The following RNGTT variants were observed in gnomAD, a reference collection of about 807,000 sequenced individuals.
The protein encoded by RNGTT is RNA guanylyltransferase and 5'-phosphatase, also known as mRNA-capping enzyme.
Under a neutral mutation model 79.3 loss-of-function variants are expected in RNGTT, and 33 were observed. That is an observed-to-expected ratio of 0.42 (90% CI 0.32 to 0.56). RNGTT has a LOEUF of 0.56. Ranked by LOEUF, RNGTT falls within the 20% of genes least tolerant of loss-of-function variation. RNGTT has a pLI of 0.17. For missense variants in RNGTT, 497 were observed against 739.1 expected (o/e 0.67, Z 3.80); for synonymous variants, 222 against 235.9 (o/e 0.94, Z 0.54).
At chr6:88,905,014 A>G in intron 5 of RNGTT, 59 bp from the exon 6 acceptor site, 2 of 1,569,200 alleles carry the variant, frequency 1.3e-6, no homozygotes, top group Non-Finnish European at 1.7e-6. Context: ...CAGGCTTATC[A>G]AAAACTCACT....
intron 12 of RNGTT, among the ~76,000 whole-genome samples, chr6:88,778,367 T>C (rs538709565): frequency 1.4e-4 from 22 of 152,276 alleles, no homozygotes; most frequent in African/African-American, 4.6e-4. Flanking sequence ...AGTGTGTGCA[T>C]TATGGAGGGT....
chr6:88,643,443 C>T (rs1409513259), intron 14 of RNGTT, among the ~76,000 whole-genome samples: 3 of 152,114 alleles, frequency 2.0e-5, no homozygotes, highest in South Asian at 2.1e-4. Flanking sequence ...GACAGATCAA[C>T]GAGACAGAAA....
At chr6:88,717,088 A>G (rs768560913) in intron 13 of RNGTT, among the ~76,000 whole-genome samples, 1 of 152,242 alleles carries the variant, frequency 6.6e-6, no homozygotes, top group Non-Finnish European at 1.5e-5. Context: ...GGTTTAGAAT[A>G]GAAAGCCTCC....
At chr6:88,795,146 G>T (rs968434619) in intron 12 of RNGTT, among the ~76,000 whole-genome samples, 8 of 152,184 alleles carry the variant, frequency 5.3e-5, no homozygotes, top group Non-Finnish European at 1.0e-4. Flanking sequence ...TGTCAATTTT[G>T]TTTAAAGAGG....
chr6:88,765,199 A>G (rs1562240934), intron 13 of RNGTT, among the ~76,000 whole-genome samples: 1 of 152,002 alleles, frequency 6.6e-6, no homozygotes, highest in Admixed American at 6.6e-5. Flanking sequence ...CTCAAAAAAA[A>G]AAAAAAAAAA....
intron 11 of RNGTT, among the ~76,000 whole-genome samples, chr6:88,839,361 A>G (rs1361455483): frequency 6.6e-6 from 1 of 152,152 alleles, no homozygotes; most frequent in Non-Finnish European, 1.5e-5. Flanking sequence ...GTTTGAGCCC[A>G]GGAATTTGAG....
chr6:88,653,244 C>T (rs1044262999), intron 14 of RNGTT, among the ~76,000 whole-genome samples: 41 of 152,212 alleles, frequency 2.7e-4, no homozygotes, highest in Non-Finnish European at 4.4e-4. Flanking sequence ...ATTGCATTTC[C>T]TTTTTTGGAA....
intron 8 of RNGTT, among the ~76,000 whole-genome samples, chr6:88,854,027 C>G (rs112676754): frequency 1.5e-4 from 23 of 151,766 alleles, no homozygotes; most frequent in East Asian, 7.8e-4. Context: ...CAGGTTCAAG[C>G]AATTCTTGTG....
chr6:88,660,283 A>G (rs1045504382), intron 14 of RNGTT, among the ~76,000 whole-genome samples: 1 of 152,192 alleles, frequency 6.6e-6, no homozygotes, highest in Admixed American at 6.5e-5. Flanking sequence ...AGCATGATGA[A>G]TAGAACAGTA....
chr6:88,820,394 C>G (rs1351497141), intron 11 of RNGTT, among the ~76,000 whole-genome samples: 1 of 152,168 alleles, frequency 6.6e-6, no homozygotes, highest in Non-Finnish European at 1.5e-5. Flanking sequence ...CAAAGATATT[C>G]TCTGTCAGCA....
chr6:88,748,182 A>G (rs1275848249), intron 13 of RNGTT, among the ~76,000 whole-genome samples: 2 of 152,158 alleles, frequency 1.3e-5, no homozygotes, highest in African/African-American at 4.8e-5. Context: ...AAAGAAAAAA[A>G]AAGTCAAATC....
intron 8 of RNGTT, among the ~76,000 whole-genome samples, chr6:88,866,674 G>A (rs568047603): frequency 1.0e-3 from 154 of 152,238 alleles, no homozygotes; most frequent in African/African-American, 3.4e-3. Flanking sequence ...ATAAATCAAT[G>A]TATCCATTTA....
At chr6:88,834,709 T>C (rs1346949311) in intron 11 of RNGTT, among the ~76,000 whole-genome samples, 1 of 152,286 alleles carries the variant, frequency 6.6e-6, no homozygotes, top group Admixed American at 6.5e-5. Context: ...AGAACAGTGA[T>C]ATAAAAATAA....
chr6:88,681,193 A>G (rs1775080731), intron 13 of RNGTT, among the ~76,000 whole-genome samples: 1 of 152,156 alleles, frequency 6.6e-6, no homozygotes. Context: ...AAAAGAATAA[A>G]AGCTGCCTGA....
rs1416857683 is a variant in RNGTT at position 88,771,311 on chromosome 6, GTGTGTATATATATATA to G, written c.1339-1453_1339-1438del. Among the ~76,000 whole-genome samples the G allele has an allele frequency of 3.3e-3, 159 of 48,678 alleles. 1 individual carries two copies. The highest frequency in any genetic ancestry group is 0.014 in the African/African-American group (154 of 11,140). 31.9% of individuals were successfully genotyped at this position (48,678 alleles called of 152,430 possible). A position where few individuals can be genotyped will look rare whatever the true frequency, so the allele number is the denominator to read the frequency against. On this transcript the variant is annotated intron_variant, in intron 12 of 15. Coordinates refer to ENST00000369485, the MANE Select transcript of RNGTT (RefSeq NM_003800.5). ...CAGGACTGTATGTATGTATGTGTGT[GTGTGTATATATATATA>G]TATATATATATATATATATATATAC...
At chr6:88,716,237 C>G (rs1262124464) in intron 13 of RNGTT, among the ~76,000 whole-genome samples, 5 of 151,954 alleles carry the variant, frequency 3.3e-5, no homozygotes, top group African/African-American at 1.2e-4. Context: ...CACTGGCCAT[C>G]AGAGAAATGC....
intron 4 of RNGTT, among the ~76,000 whole-genome samples, chr6:88,913,204 CA>C (rs1362127604): frequency 6.5e-4 from 35 of 53,484 alleles, no homozygotes; most frequent in Admixed American, 6.2e-3. Flanking sequence ...AGCTCTGTCT[CA>C]AAAAAAAACA....
intron 14 of RNGTT, among the ~76,000 whole-genome samples, chr6:88,647,701 T>TAAA (rs746472579): frequency 9.9e-5 from 10 of 100,866 alleles, no homozygotes; most frequent in South Asian, 3.5e-4. Flanking sequence ...GACACCCTGT[T>TAAA]AAAAAAAAAA....
chr6:88,725,859 G>C (rs1776880999), intron 13 of RNGTT, among the ~76,000 whole-genome samples: 1 of 152,126 alleles, frequency 6.6e-6, no homozygotes, highest in Non-Finnish European at 1.5e-5. Flanking sequence ...TAAGCGGCTG[G>C]CACAGGCAGG....
Sources: allele counts gnomAD v4.1 joint callset (sites outside exome capture counted in the v4.1 genomes callset), GRCh38; gene constraint gnomAD v4.1.1; transcripts MANE v1.5; gene names NCBI Gene and HGNC (gene_info 2026-07-23, HGNC 2026-07-21).